CLUAP1: variants seen among roughly 807,000 people sequenced by gnomAD.
CLUAP1 encodes the protein intraflagellar transport 38.
Under a neutral mutation model 55.0 loss-of-function variants are expected in CLUAP1, and 50 were observed. That is an observed-to-expected ratio of 0.91 (90% CI 0.72 to 1.15). The LOEUF is 1.15. Among genes scored for constraint, CLUAP1 ranks in the 50% most tolerant of loss-of-function variants. CLUAP1 has a pLI of 0.00. For synonymous variants in CLUAP1, 195 were observed against 175.4 expected (o/e 1.11, Z -0.88); for missense variants, 530 against 507.6 (o/e 1.04, Z -0.42).
At chr16:3,508,854 G>A (rs984282736) in intron 4 of CLUAP1, among the ~76,000 whole-genome samples, 1 of 151,622 alleles carries the variant, frequency 6.6e-6, no homozygotes, top group Non-Finnish European at 1.5e-5. Context: ...ATCTTAAATC[G>A]GGTGATCAGG....
intron 7 of CLUAP1, among the ~76,000 whole-genome samples, chr16:3,520,744 T>G (rs1417636478): frequency 6.6e-6 from 1 of 152,180 alleles, no homozygotes; most frequent in African/African-American, 2.4e-5. Flanking sequence ...AGACTTTATT[T>G]AAACCTTGAT....
At chr16:3,499,490 A>G (rs1287946295), upstream of CLUAP1, among the ~76,000 whole-genome samples, 2 of 152,264 alleles carry the variant, frequency 1.3e-5, no homozygotes, top group African/African-American at 4.8e-5. Flanking sequence ...ATAACTTCAT[A>G]GTGATATCTC....
At chr16:3,509,686 A>G (rs1171632137) in intron 4 of CLUAP1, among the ~76,000 whole-genome samples, 3 of 152,246 alleles carry the variant, frequency 2.0e-5, no homozygotes, top group Admixed American at 6.5e-5. Context: ...GAGTGTGGCC[A>G]CGCAGGGTAC....
chr16:3,536,353 C>T lies in CLUAP1; in HGVS notation c.*82C>T. On this transcript the variant is annotated 3_prime_UTR_variant, in exon 12 of 12. Transcript: ENST00000576634. ...AACTTAGAAGGTTAGGAAGGTAACC[C>T]CTGTTTTGTTTACTAAGCTGGCTGG... is the stretch of plus-strand genomic sequence containing the variant. 2.0e-6 allele frequency: 3 copies of T among 1,478,474 alleles called. No individual in the cohort carries two copies. Among genetic ancestry groups the T allele is most frequent in the Non-Finnish European group, 2.8e-6 (3 of 1,085,860 alleles). 91.6% of individuals were successfully genotyped at this position (1,478,474 alleles called of 1,614,324 possible).
intron 3 of CLUAP1, among the ~76,000 whole-genome samples, chr16:3,506,719 T>C (rs2037513986): frequency 6.6e-6 from 1 of 151,924 alleles, no homozygotes; most frequent in Non-Finnish European, 1.5e-5. Flanking sequence ...GCTAGGCTGG[T>C]CTCAAACTCC....
rs2038231081 is a variant in CLUAP1, at chr16:3,536,292, G to A, written c.*21G>A. ...TCTGACCCTTTTGCCAAGGGACCCT[G>A]GCAGATTAAAACCCTCAGACTTGTA... On this transcript the variant is annotated 3_prime_UTR_variant, in exon 12 of 12. Transcript: ENST00000576634. 1 of 1,611,886 alleles carries A rather than the reference G, an allele frequency of 6.2e-7. No individual in the cohort carries two copies.
intron 8 of CLUAP1, among the ~76,000 whole-genome samples, chr16:3,524,135 C>T (rs1481091165): frequency 2.0e-5 from 3 of 151,384 alleles, no homozygotes; most frequent in African/African-American, 2.4e-5. Flanking sequence ...CCTGTCTCTA[C>T]AAAGAAGTAA....
chr16:3,514,760 T>G (rs1425946063), intron 5 of CLUAP1, among the ~76,000 whole-genome samples: 1 of 152,212 alleles, frequency 6.6e-6, no homozygotes, highest in Non-Finnish European at 1.5e-5. Context: ...AGGGTTTCTC[T>G]TAGGAGCTAA....
intron 1 of CLUAP1, 30 bp from the exon 2 acceptor site, chr16:3,504,690 A>G (rs780350937): frequency 1.6e-6 from 2 of 1,219,950 alleles, no homozygotes; most frequent in South Asian, 1.2e-5. Context: ...GTGATGGGGA[A>G]CTGAATGAAT....
At position 3,526,560 on chromosome 16, in the gene CLUAP1, T is replaced by G. The variant is rs112537842; in HGVS notation, c.928+76T>G. ...GCCTTGAAATATATATAGAGAGATA[T>G]ATATATATTTTTTAATATGTATTTT... On this transcript the variant is annotated intron_variant, in intron 9 of 11. Transcript: ENST00000576634. 6.4e-3 allele frequency: 5,194 copies of G among 811,006 alleles called. 110 individuals carry two copies. Among genetic ancestry groups the G allele is most frequent in the African/African-American group, 0.056 (3,015 of 54,270 alleles). 50.2% of individuals were successfully genotyped at this position (811,006 alleles called of 1,614,324 possible). A position where few individuals can be genotyped will look rare whatever the true frequency, so the allele number is the denominator to read the frequency against.
intron 5 of CLUAP1, 88 bp from the exon 6 acceptor site, chr16:3,515,420 A>G: frequency 2.3e-6 from 2 of 871,896 alleles, no homozygotes; most frequent in South Asian, 1.6e-5. Flanking sequence ...TCGGAGAATC[A>G]GTCTATAAGG....
chr16:3,505,501 A>G (rs2037487270), intron 2 of CLUAP1, among the ~76,000 whole-genome samples: 1 of 148,860 alleles, frequency 6.7e-6, no homozygotes, highest in African/African-American at 2.5e-5. Context: ...GAGCCGAGAT[A>G]GCGCCACTGC....
At chr16:3,512,578 A>G in intron 5 of CLUAP1, 100 bp downstream of exon 5, 1 of 906,424 alleles carries the variant, frequency 1.1e-6, no homozygotes, top group Non-Finnish European at 1.7e-6. Flanking sequence ...AATGAAATAC[A>G]CCTGGTTGAA....
rs539117033 is a variant in CLUAP1 at position 3,531,493 on chromosome 16, G to A, written c.1036+818G>A. ...GCCGAGATCACGCCACTGCACTCCA[G>A]CCTGGGCGACAGAGTGAGACTCCGT... is the stretch of plus-strand genomic sequence containing the variant. On this transcript the variant is annotated intron_variant, in intron 10 of 11. Coordinates refer to ENST00000576634, the MANE Select transcript of CLUAP1 (RefSeq NM_015041.3). Among the ~76,000 whole-genome samples the A allele has an allele frequency of 1.6e-4, 24 of 151,996 alleles. No homozygotes were observed. The South Asian group carries it at 4.8e-3, about 30-fold the overall frequency.
intron 6 of CLUAP1, among the ~76,000 whole-genome samples, chr16:3,518,865 C>G (rs1041975114): frequency 6.6e-6 from 1 of 152,176 alleles, no homozygotes; most frequent in Non-Finnish European, 1.5e-5. Flanking sequence ...GGCCATTTCT[C>G]TGTGGAGCCC....
At chr16:3,530,032 A>C (rs2038083577) in intron 9 of CLUAP1, among the ~76,000 whole-genome samples, 1 of 148,440 alleles carries the variant, frequency 6.7e-6, no homozygotes, top group Admixed American at 7.0e-5. Context: ...AATGAGCCAC[A>C]GTTCTAGGAG....
At chr16:3,505,470 C>T (rs2037486082) in intron 2 of CLUAP1, among the ~76,000 whole-genome samples, 1 of 146,888 alleles carries the variant, frequency 6.8e-6, no homozygotes, top group African/African-American at 2.6e-5. Context: ...GCGGAGCATG[C>T]AGTGAGCCGA....
chr16:3,502,316 C>T (rs1332959468), intron 1 of CLUAP1, among the ~76,000 whole-genome samples: 3 of 151,858 alleles, frequency 2.0e-5, no homozygotes, highest in Non-Finnish European at 4.4e-5. Flanking sequence ...TGGTGGCGCG[C>T]GTCTGTAGTC....
chr16:3,516,809 A>G (rs1230613098), intron 6 of CLUAP1, among the ~76,000 whole-genome samples: 1 of 152,196 alleles, frequency 6.6e-6, no homozygotes, highest in Non-Finnish European at 1.5e-5. Flanking sequence ...ACTAAAAGGA[A>G]CCAGGACTCT....
Sources: gnomAD v4.1 joint callset for allele counts (sites outside exome capture counted in the v4.1 genomes callset) on GRCh38, gnomAD v4.1.1 for gene constraint, MANE v1.5 for transcripts, NCBI Gene and HGNC (gene_info 2026-07-23, HGNC 2026-07-21) for gene names.